CCDC192: variants seen among roughly 807,000 people sequenced by gnomAD.
The protein encoded by CCDC192 is coiled-coil domain containing 192, also known as coiled-coil domain-containing protein 192.
chr5:127,754,287 G>T lies in CCDC192; in HGVS notation c.134G>T (p.Gly45Val). The change falls in exon 3 of 7, where the codon GGA becomes GTA. Residue 45 changes from glycine to valine, a missense_variant. By Grantham distance (109) the Gly-to-Val change is moderately radical. Coordinates refer to ENST00000514853, the MANE Select transcript of CCDC192 (RefSeq NM_001317938.2). The stretch of plus-strand genomic sequence containing the variant: ...TTAAAGAAAGCGTCCCTGGATACTG[G>T]ACAGATGGCGTTTACCTTGGCCCAA... ...NKVSKASLDT[G>V]QMAFTLAQLE... 1 of 398,590 alleles carries T rather than the reference G, an allele frequency of 2.5e-6. No individual in the cohort carries two copies. The highest frequency in any genetic ancestry group is 6.3e-4 in the Middle Eastern group (1 of 1,588). The allele number at this position is 398,590 out of a possible 1,614,324, so 24.7% of individuals were successfully genotyped here. A position where few individuals can be genotyped will look rare whatever the true frequency, so the allele number is the denominator to read the frequency against.
At chr5:127,870,093 G>A (rs1329497090) in intron 5 of CCDC192, among the ~76,000 whole-genome samples, 1 of 152,104 alleles carries the variant, frequency 6.6e-6, no homozygotes, top group Non-Finnish European at 1.5e-5. Flanking sequence ...TTTTTCATTC[G>A]AGGCATTTGT....
At chr5:127,818,957 A>G (rs1749160200) in intron 5 of CCDC192, among the ~76,000 whole-genome samples, 1 of 152,202 alleles carries the variant, frequency 6.6e-6, no homozygotes, top group African/African-American at 2.4e-5. Flanking sequence ...CATTTGAGGA[A>G]AGGCAACAAC....
In CCDC192 at chr5:127,764,186, C is replaced by T. The variant is rs1755084141; in HGVS notation, c.222+9811C>T. Among the ~76,000 whole-genome samples, 6 of 152,262 alleles carry T rather than the reference C, an allele frequency of 3.9e-5. No individual in the cohort carries two copies. The South Asian group carries it at 1.2e-3, about 32-fold the overall frequency. ...ACACAAGGAGGGCCATTGAAGGAGG[C>T]ACATTCTGATCTGTGCTCAAGAGAG... On this transcript the variant is annotated intron_variant, in intron 3 of 6. Coordinates refer to ENST00000514853, the MANE Select transcript of CCDC192 (RefSeq NM_001317938.2).
chr5:127,798,974 A>G (rs1292391754), intron 5 of CCDC192, among the ~76,000 whole-genome samples: 2 of 152,152 alleles, frequency 1.3e-5, no homozygotes, highest in Non-Finnish European at 2.9e-5. Flanking sequence ...TCACCCTGCC[A>G]CTATTCCTTC....
intron 5 of CCDC192, among the ~76,000 whole-genome samples, chr5:127,825,624 C>G (rs1248629290): frequency 1.3e-5 from 2 of 152,228 alleles, no homozygotes; most frequent in African/African-American, 2.4e-5. Flanking sequence ...CCTGACAGGT[C>G]TCTAACTGCT....
chr5:127,798,925 C>G (rs1319274283), intron 5 of CCDC192, among the ~76,000 whole-genome samples: 1 of 152,100 alleles, frequency 6.6e-6, no homozygotes, highest in East Asian at 1.9e-4. Flanking sequence ...ATAAGCATCT[C>G]CTGCCACAAT....
chr5:127,843,180 G>A (rs368075385), intron 5 of CCDC192, among the ~76,000 whole-genome samples: 1 of 147,522 alleles, frequency 6.8e-6, no homozygotes, highest in South Asian at 2.2e-4. Flanking sequence ...GATTACAGGT[G>A]CCCGCCACCA....
chr5:127,774,050 T>C (rs1755714207), intron 3 of CCDC192, among the ~76,000 whole-genome samples: 1 of 152,212 alleles, frequency 6.6e-6, no homozygotes, highest in African/African-American at 2.4e-5. Context: ...TCTTGGCCAT[T>C]TGTGTGTCTT....
At chr5:127,720,073 C>G (rs191306890) in intron 2 of CCDC192, among the ~76,000 whole-genome samples, 1 of 152,264 alleles carries the variant, frequency 6.6e-6, no homozygotes, top group Non-Finnish European at 1.5e-5. Flanking sequence ...TACAATCAAC[C>G]TTTCTCAACA....
At chr5:127,847,478 C>A (rs1368038673) in intron 5 of CCDC192, among the ~76,000 whole-genome samples, 3 of 152,078 alleles carry the variant, frequency 2.0e-5, no homozygotes, top group Non-Finnish European at 4.4e-5. Context: ...CCCAGTATGT[C>A]CATATTTAAT....
chr5:127,898,909 AT>A (rs1199864692), intron 6 of CCDC192, among the ~76,000 whole-genome samples: 2 of 152,228 alleles, frequency 1.3e-5, no homozygotes, highest in African/African-American at 4.8e-5. Context: ...ATGAGGACAG[AT>A]TTTCACTGTG....
intron 5 of CCDC192, among the ~76,000 whole-genome samples, chr5:127,848,416 A>T (rs946070673): frequency 6.6e-6 from 1 of 152,164 alleles, no homozygotes; most frequent in African/African-American, 2.4e-5. Context: ...CCTGATATCC[A>T]TTGGCTATCC....
At chr5:127,706,994 A>C (rs564625211) in intron 1 of CCDC192, among the ~76,000 whole-genome samples, 7 of 152,300 alleles carry the variant, frequency 4.6e-5, no homozygotes, top group South Asian at 2.1e-4. Context: ...AGAGAGAGTG[A>C]TAAGTCATGT....
chr5:127,887,782 C>T (rs1033206066), intron 6 of CCDC192, among the ~76,000 whole-genome samples: 1 of 151,160 alleles, frequency 6.6e-6, no homozygotes, highest in Non-Finnish European at 1.5e-5. Context: ...CGGCTCACTG[C>T]AAGCTCCACC....
intron 2 of CCDC192, among the ~76,000 whole-genome samples, chr5:127,750,388 G>A (rs1561464809): frequency 6.6e-6 from 1 of 152,154 alleles, no homozygotes; most frequent in Non-Finnish European, 1.5e-5. Context: ...AGTCATTCAG[G>A]AGCAGGTTGT....
intron 2 of CCDC192, among the ~76,000 whole-genome samples, chr5:127,752,495 A>G (rs542171511): frequency 3.3e-5 from 5 of 152,138 alleles, no homozygotes; most frequent in Non-Finnish European, 7.4e-5. Context: ...TGTGTACTGG[A>G]AGAACCACTG....
At chr5:127,778,326 T>C (rs552010055) in intron 3 of CCDC192, among the ~76,000 whole-genome samples, 2 of 152,342 alleles carry the variant, frequency 1.3e-5, no homozygotes, top group South Asian at 2.1e-4. Context: ...ATTTTTATCA[T>C]GGAAGAGTGT....
Position 127,749,323 on chromosome 5 carries a change from A to G in CCDC192, c.115-4945A>G, listed in dbSNP as rs1015455875. Among the ~76,000 whole-genome samples the G allele has an allele frequency of 1.2e-4, 19 of 152,242 alleles. No individual in the cohort carries two copies. The East Asian group carries it at 1.9e-3, about 15-fold the overall frequency. On this transcript the variant is annotated intron_variant, in intron 2 of 6. Coordinates refer to ENST00000514853, the MANE Select transcript of CCDC192 (RefSeq NM_001317938.2). ...ATTTATTGAGAGTTTTTAGCATGAA[A>G]GGTTGTTGAATTTTGTCAAAGGCCT... is the stretch of plus-strand genomic sequence containing the variant.
chr5:127,816,247 C>T (rs1394430158), intron 5 of CCDC192, among the ~76,000 whole-genome samples: 2 of 152,080 alleles, frequency 1.3e-5, no homozygotes, highest in East Asian at 3.8e-4. Context: ...GTTCAAATTG[C>T]ATCAGTAAAG....
Sources: gnomAD v4.1 joint callset for allele counts (sites outside exome capture counted in the v4.1 genomes callset) on GRCh38, gnomAD v4.1.1 for gene constraint, MANE v1.5 for transcripts, NCBI Gene and HGNC (gene_info 2026-07-23, HGNC 2026-07-21) for gene names.